The following DGKH variants were observed in gnomAD, a reference collection of about 807,000 sequenced individuals.
The protein encoded by DGKH is diacylglycerol kinase eta.
A neutral mutation model predicts 159.3 loss-of-function variants in DGKH; 90 were observed. The observed-to-expected ratio is 0.57, with a 90% CI of 0.48 to 0.67. The LOEUF is 0.67. Ranked by LOEUF, DGKH falls within the 30% of genes least tolerant of loss-of-function variation. DGKH has a pLI of 0.00. For missense variants in DGKH, 1,181 were observed against 1,506.1 expected (o/e 0.78, Z 3.57); for synonymous variants, 536 against 553.8 (o/e 0.97, Z 0.45).
chr13:42,182,595 T>C (rs1226289458), intron 13 of DGKH, among the ~76,000 whole-genome samples: 2 of 152,206 alleles, frequency 1.3e-5, no homozygotes, highest in Non-Finnish European at 2.9e-5. Flanking sequence ...TACTGTATTG[T>C]TCAGGGAATG....
chr13:42,130,325 G>A (rs993941232), intron 3 of DGKH, among the ~76,000 whole-genome samples: 7 of 151,942 alleles, frequency 4.6e-5, no homozygotes, highest in African/African-American at 1.7e-4. Context: ...GTCACGGTGG[G>A]AATCCTACCA....
At chr13:42,088,925 T>C (rs914222625) in intron 1 of DGKH, among the ~76,000 whole-genome samples, 6 of 152,196 alleles carry the variant, frequency 3.9e-5, no homozygotes, top group Admixed American at 6.6e-5. Context: ...TGGGAAAAGA[T>C]ATACCATGCA....
At chr13:42,222,672 A>T (rs975923245) in intron 29 of DGKH, among the ~76,000 whole-genome samples, 26 of 152,190 alleles carry the variant, frequency 1.7e-4, no homozygotes, top group Non-Finnish European at 3.2e-4. Context: ...AATATTTATT[A>T]ATGACTGATT....
At chr13:42,186,029 G>A (rs1195403742) in intron 13 of DGKH, among the ~76,000 whole-genome samples, 2 of 147,554 alleles carry the variant, frequency 1.4e-5, no homozygotes, top group Non-Finnish European at 3.1e-5. Context: ...GTGTGTGTGT[G>A]TGTGTGTGTG....
At chr13:42,219,189 G>A in intron 26 of DGKH, 41 bp from the exon 27 acceptor site, 1 of 1,610,310 alleles carries the variant, frequency 6.2e-7, no homozygotes, top group Non-Finnish European at 8.5e-7. Context: ...GCTGGCCACT[G>A]AGTCTTGTTT....
chr13:42,228,680 AAAAG>A (rs978441945), intron 29 of DGKH, among the ~76,000 whole-genome samples: 1 of 53,630 alleles, frequency 1.9e-5, no homozygotes, highest in Non-Finnish European at 4.1e-5. Flanking sequence ...AAAGAAAGAG[AAAAG>A]AAAGAGAGAG....
chr13:42,155,494 A>C (rs1362575236), intron 4 of DGKH, 99 bp downstream of exon 4: 1 of 1,472,276 alleles, frequency 6.8e-7, no homozygotes, highest in African/African-American at 1.4e-5. Context: ...GTGTACACTC[A>C]TTCAGCAACT....
At chr13:42,101,735 G>A (rs1028674802) in intron 1 of DGKH, among the ~76,000 whole-genome samples, 2 of 151,932 alleles carry the variant, frequency 1.3e-5, no homozygotes, top group South Asian at 2.1e-4. Flanking sequence ...AACAGGTAAC[G>A]TCCAAGTTAA....
At chr13:42,154,984 T>A (rs1263242672) in intron 3 of DGKH, among the ~76,000 whole-genome samples, 1 of 152,210 alleles carries the variant, frequency 6.6e-6, no homozygotes, top group Non-Finnish European at 1.5e-5. Context: ...TTACTATGAA[T>A]TATTTTGAAG....
At chr13:42,083,282 A>G (rs1231758011) in intron 1 of DGKH, among the ~76,000 whole-genome samples, 1 of 152,210 alleles carries the variant, frequency 6.6e-6, no homozygotes, top group Non-Finnish European at 1.5e-5. Context: ...AGGAACTTGC[A>G]ACTTAAATGA....
intron 20 of DGKH, among the ~76,000 whole-genome samples, chr13:42,200,780 C>T (rs916634663): frequency 2.0e-5 from 3 of 152,258 alleles, no homozygotes; most frequent in East Asian, 3.9e-4. Context: ...CCACTCTAAA[C>T]ATACAACTGT....
intron 15 of DGKH, among the ~76,000 whole-genome samples, chr13:42,189,765 C>T (rs1431612666): frequency 4.6e-5 from 7 of 152,140 alleles, no homozygotes; most frequent in East Asian, 1.9e-4. Context: ...CTCCCAGGCT[C>T]GAGCTATCCT....
chr13:42,253,187 A>T (rs1958632424), intron 30 of DGKH, among the ~76,000 whole-genome samples: 1 of 152,164 alleles, frequency 6.6e-6, no homozygotes, highest in Admixed American at 6.5e-5. Context: ...TCACATGTTG[A>T]AACCTAATCC....
chr13:42,049,943 A>G (rs1348677157), intron 1 of DGKH, among the ~76,000 whole-genome samples: 1 of 152,228 alleles, frequency 6.6e-6, no homozygotes, highest in Non-Finnish European at 1.5e-5. Context: ...GATATTGAAA[A>G]CGGAACCACA....
chr13:42,207,835 T>G (rs1455118905), intron 21 of DGKH, among the ~76,000 whole-genome samples: 1 of 151,862 alleles, frequency 6.6e-6, no homozygotes, highest in African/African-American at 2.4e-5. Flanking sequence ...AGATCTTAAA[T>G]GGACAGATAG....
intron 1 of DGKH, among the ~76,000 whole-genome samples, chr13:42,056,662 C>T (rs1881782065): frequency 6.6e-6 from 1 of 152,154 alleles, no homozygotes; most frequent in African/African-American, 2.4e-5. Context: ...ATATCCCTTT[C>T]ACAGTGGATT....
intron 8 of DGKH, among the ~76,000 whole-genome samples, chr13:42,166,144 A>C (rs1284064291): frequency 6.6e-6 from 1 of 152,100 alleles, no homozygotes; most frequent in Non-Finnish European, 1.5e-5. Flanking sequence ...TAGATATCTT[A>C]GATATAAGTT....
At chr13:42,227,018 T>G (rs952644379) in intron 29 of DGKH, among the ~76,000 whole-genome samples, 1 of 151,774 alleles carries the variant, frequency 6.6e-6, no homozygotes, top group African/African-American at 2.4e-5. Flanking sequence ...GAACAGAAAA[T>G]CAAACACCAC....
At chr13:42,186,376 T>C (rs1439303028) in intron 13 of DGKH, among the ~76,000 whole-genome samples, 1 of 152,236 alleles carries the variant, frequency 6.6e-6, no homozygotes, top group Non-Finnish European at 1.5e-5. Context: ...GTGTTTCAAG[T>C]TATTTTGTCT....
Sources: gnomAD v4.1 joint callset for allele counts (sites outside exome capture counted in the v4.1 genomes callset) on GRCh38, gnomAD v4.1.1 for gene constraint, MANE v1.5 for transcripts, NCBI Gene and HGNC (gene_info 2026-07-23, HGNC 2026-07-21) for gene names.